The following ZFAND3 variants were observed in gnomAD, a reference collection of about 807,000 sequenced individuals.
ZFAND3 encodes AN1-type zinc finger protein 3.
Under a neutral mutation model 29.6 loss-of-function variants are expected in ZFAND3, and 10 were observed. That is an observed-to-expected ratio of 0.34 (90% CI 0.21 to 0.57). The LOEUF is 0.57. Among genes scored for constraint, ZFAND3 ranks in the 20% least tolerant of loss-of-function variants. The pLI is 0.86. For missense variants in ZFAND3, 230 were observed against 304.5 expected (o/e 0.76, Z 1.82); for synonymous variants, 128 against 112.6 (o/e 1.14, Z -0.87).
chr6:38,117,255 CCTTTTTTT>C (rs1323190122), intron 5 of ZFAND3, among the ~76,000 whole-genome samples: 4 of 123,332 alleles, frequency 3.2e-5, no homozygotes, highest in African/African-American at 1.2e-4. Flanking sequence ...CTTGAAATAG[CCTTTTTTT>C]TTTTTTTTTT....
chr6:38,063,250 A>G (rs1764277830), intron 3 of ZFAND3, among the ~76,000 whole-genome samples: 1 of 152,240 alleles, frequency 6.6e-6, no homozygotes, highest in South Asian at 2.1e-4. Context: ...AATATCGAGA[A>G]TATAAAATAA....
At chr6:38,121,806 T>C (rs1030886577) in intron 5 of ZFAND3, among the ~76,000 whole-genome samples, 13 of 152,220 alleles carry the variant, frequency 8.5e-5, no homozygotes, top group Admixed American at 6.5e-4. Context: ...GGGCATTCCC[T>C]GGTTTCTCCA....
At chr6:37,901,681 C>T (rs149951115) in intron 1 of ZFAND3, among the ~76,000 whole-genome samples, 5 of 152,308 alleles carry the variant, frequency 3.3e-5, no homozygotes, top group African/African-American at 1.2e-4. Context: ...CAATTACTAA[C>T]TTCCAGTATG....
At chr6:38,114,914 G>A (rs1765388089) in intron 4 of ZFAND3, among the ~76,000 whole-genome samples, 1 of 152,154 alleles carries the variant, frequency 6.6e-6, no homozygotes, top group African/African-American at 2.4e-5. Context: ...CTTGGAGTTT[G>A]CTTTCTTTTA....
At chr6:38,033,605 A>G (rs573160993) in intron 2 of ZFAND3, among the ~76,000 whole-genome samples, 8 of 152,262 alleles carry the variant, frequency 5.3e-5, no homozygotes, top group African/African-American at 1.9e-4. Context: ...TCACCTTTCC[A>G]TTTACTCATT....
intron 2 of ZFAND3, among the ~76,000 whole-genome samples, chr6:37,998,965 CA>C: frequency 6.6e-6 from 1 of 152,238 alleles, no homozygotes; most frequent in East Asian, 1.9e-4. Context: ...ATGCAGCAAA[CA>C]GTGATTATAT....
chr6:37,841,282 T>C (rs923793000), intron 1 of ZFAND3, among the ~76,000 whole-genome samples: 2 of 152,196 alleles, frequency 1.3e-5, no homozygotes, highest in African/African-American at 4.8e-5. Flanking sequence ...CATTTTATCA[T>C]GAGAAATCAA....
chr6:38,116,537 C>G (rs781746990), intron 4 of ZFAND3, 35 bp from the exon 5 acceptor site: 4 of 1,586,580 alleles, frequency 2.5e-6, no homozygotes, highest in Non-Finnish European at 3.4e-6. Context: ...AGGCCAGGCA[C>G]TAATCCTGAT....
intron 3 of ZFAND3, among the ~76,000 whole-genome samples, chr6:38,066,542 T>C (rs1561986786): frequency 6.6e-6 from 1 of 152,212 alleles, no homozygotes; most frequent in African/African-American, 2.4e-5. Flanking sequence ...ATTTGTAAAC[T>C]ATTTAGTAGT....
intron 5 of ZFAND3, among the ~76,000 whole-genome samples, chr6:38,145,678 C>T (rs912983019): frequency 3.3e-5 from 5 of 152,166 alleles, no homozygotes; most frequent in East Asian, 1.9e-4. Context: ...GAAAAATGCT[C>T]CTCCTCAGTT....
At chr6:38,022,849 A>G (rs530404266) in intron 2 of ZFAND3, among the ~76,000 whole-genome samples, 1 of 152,208 alleles carries the variant, frequency 6.6e-6, no homozygotes, top group Non-Finnish European at 1.5e-5. Context: ...GCACAGCACA[A>G]CTTGATTGGA....
chr6:37,976,475 T>C (rs1762479551), intron 2 of ZFAND3, among the ~76,000 whole-genome samples: 1 of 151,216 alleles, frequency 6.6e-6, no homozygotes, highest in Non-Finnish European at 1.5e-5. Context: ...TCCCAGCTAC[T>C]TGGGAGGCTG....
At chr6:38,063,589 A>G (rs1764284733) in intron 3 of ZFAND3, among the ~76,000 whole-genome samples, 1 of 152,222 alleles carries the variant, frequency 6.6e-6, no homozygotes, top group African/African-American at 2.4e-5. Context: ...GTAAAGATGG[A>G]TAGAAGGTGG....
chr6:38,154,087 G>T lies in ZFAND3; in HGVS notation c.*1698G>T. On this transcript the variant is annotated 3_prime_UTR_variant, in exon 6 of 6. Transcript: ENST00000287218. ...AATTCTTGCTTCAGGACCCAGACCG[G>T]TGTCTTGCTCTAGGGCAACCCAGGG... The T allele has an allele frequency of 3.0e-6, 3 of 985,564 alleles. No individual in the cohort carries two copies. Among genetic ancestry groups the T allele is most frequent in the Non-Finnish European group, 2.4e-6 (2 of 830,008 alleles). The allele number at this position is 985,564 out of a possible 1,614,324, so 61.1% of individuals were successfully genotyped here.
At chr6:37,920,525 AAC>A (rs1186500667) in intron 1 of ZFAND3, among the ~76,000 whole-genome samples, 1 of 152,164 alleles carries the variant, frequency 6.6e-6, no homozygotes, top group East Asian at 1.9e-4. Context: ...AAGTACTTGA[AAC>A]ACACAAAAAT....
chr6:37,898,913 T>TTTATTTC (rs1581744874), intron 1 of ZFAND3, among the ~76,000 whole-genome samples: 1 of 62,666 alleles, frequency 1.6e-5, no homozygotes, highest in East Asian at 3.3e-4. Flanking sequence ...TTATTTATTT[T>TTTATTTC]GAGACGGAGT....
chr6:37,935,216 G>A (rs1247830465), intron 2 of ZFAND3, among the ~76,000 whole-genome samples: 4 of 152,122 alleles, frequency 2.6e-5, no homozygotes, highest in Non-Finnish European at 4.4e-5. Context: ...TGAAAAGGAT[G>A]GTATGTAAGC....
chr6:37,886,935 C>A (rs1312754743), intron 1 of ZFAND3, among the ~76,000 whole-genome samples: 1 of 152,182 alleles, frequency 6.6e-6, no homozygotes, highest in Non-Finnish European at 1.5e-5. Context: ...CCTTGGGAGG[C>A]AGAGGCTGCA....
chr6:37,951,544 G>A (rs545647919), intron 2 of ZFAND3, among the ~76,000 whole-genome samples: 5 of 152,094 alleles, frequency 3.3e-5, no homozygotes, highest in African/African-American at 4.8e-5. Flanking sequence ...GCAGTGAGCC[G>A]AGATTGTGCC....
Sources: gnomAD v4.1 joint callset for allele counts (sites outside exome capture counted in the v4.1 genomes callset) on GRCh38, gnomAD v4.1.1 for gene constraint, MANE v1.5 for transcripts, NCBI Gene and HGNC (gene_info 2026-07-23, HGNC 2026-07-21) for gene names.